The following PRTG variants were observed in gnomAD, a reference collection of about 807,000 sequenced individuals.
The protein encoded by PRTG is protogenin, also known as immunoglobulin superfamily, DCC subclass, member 5.
PRTG carries 67 observed loss-of-function variants against 122.5 expected under a neutral mutation model. That is an observed-to-expected ratio of 0.55 (90% CI 0.45 to 0.67). The LOEUF (loss-of-function observed/expected upper bound fraction) is 0.67, where lower values mean the gene tolerates loss of function less well. PRTG is among the 30% of genes least tolerant of loss of function. The pLI is 0.00. For missense variants in PRTG, 1,435 were observed against 1,415.4 expected (o/e 1.01, Z -0.22); for synonymous variants, 554 against 501.1 (o/e 1.11, Z -1.41).
intron 2 of PRTG, among the ~76,000 whole-genome samples, chr15:55,709,914 T>C (rs894333705): frequency 3.9e-5 from 6 of 152,180 alleles, no homozygotes; most frequent in African/African-American, 9.6e-5. Context: ...TATGTTCTCA[T>C]TGTGGTGATG....
intron 2 of PRTG, among the ~76,000 whole-genome samples, chr15:55,719,140 T>C (rs988075509): frequency 1.7e-4 from 26 of 152,196 alleles, no homozygotes; most frequent in Admixed American, 1.2e-3. Flanking sequence ...ATTATTAAAA[T>C]TGAATAACTG....
intron 6 of PRTG, 38 bp downstream of exon 6, chr15:55,680,016 T>G: frequency 6.4e-7 from 1 of 1,566,316 alleles, no homozygotes; most frequent in South Asian, 1.1e-5. Flanking sequence ...AATGTTAAAA[T>G]GTAAGATTCC....
chr15:55,694,369 C>T (rs1035270866), intron 2 of PRTG, among the ~76,000 whole-genome samples: 1 of 152,120 alleles, frequency 6.6e-6, no homozygotes, highest in African/African-American at 2.4e-5. Context: ...AAATCCCTTA[C>T]TTTTAATTTT....
rs1443996075 is a variant in PRTG, at chr15:55,612,259, T to C, written c.*7753A>G. 1 of 152,046 alleles carries C rather than the reference T, an allele frequency of 6.6e-6. No homozygotes were observed. The highest frequency in any genetic ancestry group is 1.5e-5 in the Non-Finnish European group (1 of 67,940). The allele number at this position is 152,046 out of a possible 1,614,324, so 9.4% of individuals were successfully genotyped here. A position where few individuals can be genotyped will look rare whatever the true frequency, so the allele number is the denominator to read the frequency against. On this transcript the variant is annotated 3_prime_UTR_variant, in exon 20 of 20. Coordinates refer to ENST00000389286, the MANE Select transcript of PRTG (RefSeq NM_173814.6). ...GAAACAGAATATTTCAAGGTCAAGA[T>C]TTGTAATATTTTTGTTTTTAAAGAC...
chr15:55,639,576 G>A, intron 13 of PRTG, 66 bp downstream of exon 13: 3 of 1,410,462 alleles, frequency 2.1e-6, no homozygotes, highest in Non-Finnish European at 3.0e-6. Flanking sequence ...ATGGTAAGAG[G>A]TAGAAGTTGG....
chr15:55,707,009 T>C (rs1376581145), intron 2 of PRTG, among the ~76,000 whole-genome samples: 1 of 152,204 alleles, frequency 6.6e-6, no homozygotes, highest in South Asian at 2.1e-4. Flanking sequence ...CCCAGGTGAC[T>C]TGCATGGACT....
intron 11 of PRTG, among the ~76,000 whole-genome samples, chr15:55,657,888 T>A (rs970530184): frequency 2.6e-5 from 4 of 152,200 alleles, no homozygotes; most frequent in Non-Finnish European, 5.9e-5. Context: ...ATGAAACATT[T>A]ATAAAATTCA....
chr15:55,637,599 C>T (rs887401440), intron 14 of PRTG, among the ~76,000 whole-genome samples: 3 of 152,052 alleles, frequency 2.0e-5, no homozygotes, highest in African/African-American at 4.8e-5. Context: ...GTTCCTGAAA[C>T]GTTTTGCTAA....
At chr15:55,633,281 C>A (rs1241814264) in intron 15 of PRTG, among the ~76,000 whole-genome samples, 1 of 152,046 alleles carries the variant, frequency 6.6e-6, no homozygotes, top group African/African-American at 2.4e-5. Context: ...ACGATCTCGG[C>A]TCACTGCAAC....
In PRTG at chr15:55,641,147, C is replaced by G; in HGVS notation, c.2103G>C (p.Gln701His). Residue 701 changes from glutamine (Q) to histidine (H), a missense_variant, in exon 12 of 20, where the codon CAG (glutamine) becomes CAC (histidine). By Grantham distance (24) the Gln-to-His change is conservative. Transcript: ENST00000389286. ...CTGGAGTGCTGACAGTCTGATCTGCCTGATAGCCATCGTCTATGTTGTTGT... is the reference window on the plus strand; with the variant it reads ...CTGGAGTGCTGACAGTCTGATCTGCGTGATAGCCATCGTCTATGTTGTTGT... ...LAYNNIDDGY[Q>H]ADQTVSTPGC... 1.2e-6 allele frequency: 2 copies of G among 1,614,006 alleles called. No individual in the cohort carries two copies. Among genetic ancestry groups the G allele is most frequent in the Non-Finnish European group, 1.7e-6 (2 of 1,179,928 alleles).
chr15:55,659,174 C>T (rs2059396051), intron 11 of PRTG, among the ~76,000 whole-genome samples: 1 of 152,140 alleles, frequency 6.6e-6, no homozygotes, highest in African/African-American at 2.4e-5. Context: ...GATTTCAAGT[C>T]TTTCAAGCTT....
chr15:55,628,001 A>G (rs1233209762), intron 16 of PRTG, among the ~76,000 whole-genome samples: 4 of 152,144 alleles, frequency 2.6e-5, no homozygotes, highest in Non-Finnish European at 4.4e-5. Flanking sequence ...TGAGAAGCCA[A>G]TATGAGCCTT....
At chr15:55,678,909 A>G (rs1331824941) in intron 7 of PRTG, among the ~76,000 whole-genome samples, 1 of 152,236 alleles carries the variant, frequency 6.6e-6, no homozygotes, top group African/African-American at 2.4e-5. Context: ...AGAAATTATT[A>G]GAGAATTATT....
At chr15:55,700,838 G>A (rs2059659559) in intron 2 of PRTG, among the ~76,000 whole-genome samples, 1 of 151,970 alleles carries the variant, frequency 6.6e-6, no homozygotes, top group South Asian at 2.1e-4. Flanking sequence ...TGAAAGAACA[G>A]ACTCTCCCAC....
rs2059262264 is a variant in PRTG, at chr15:55,637,204, C to G, written c.2589G>C (p.Trp863Cys). The G allele has an allele frequency of 6.2e-7, 1 of 1,609,326 alleles. No homozygotes were observed. Among genetic ancestry groups the G allele is most frequent in the Admixed American group, 1.7e-5 (1 of 59,088 alleles). Residue 863 changes from tryptophan (W) to cysteine (C), a missense_variant, in exon 15 of 20, where the codon TGG becomes TGC. By Grantham distance (215) the Trp-to-Cys change is radical (BLOSUM62 -2). Transcript: ENST00000389286. Reference protein sequence around the residue: ...YTILYASRKAWIAGEWQVLHR... With the variant: ...YTILYASRKACIAGEWQVLHR... ...GTAAGACCTGCCACTCTCCTGCAAT[C>G]CAGGCCTTCCTAGATGCATATAAGA...
chr15:55,638,802 A>G lies in PRTG; in HGVS notation c.2325-126T>C, dbSNP rs980138519. ...CATTACCTCCTTATTTTATATGAAA[A>G]AATGTTTAGACTAAAGAACAATTTA... is the stretch of plus-strand genomic sequence containing the variant. On this transcript the variant is annotated intron_variant, in intron 13 of 19. Transcript: ENST00000389286. 12 of 774,682 alleles carry G rather than the reference A, an allele frequency of 1.5e-5. No individual in the cohort carries two copies. In the African/African-American group the frequency reaches 2.2e-4, roughly 14 times the overall value. The allele number at this position is 774,682 out of a possible 1,614,324, so 48.0% of individuals were successfully genotyped here.
intron 7 of PRTG, among the ~76,000 whole-genome samples, chr15:55,678,437 G>C (rs2059517209): frequency 6.6e-6 from 1 of 152,152 alleles, no homozygotes; most frequent in Non-Finnish European, 1.5e-5. Context: ...GTAGAGACAA[G>C]GTCTCACTGT....
chr15:55,621,450 G>A (rs1345060464), intron 18 of PRTG, among the ~76,000 whole-genome samples: 1 of 152,010 alleles, frequency 6.6e-6, no homozygotes, highest in East Asian at 1.9e-4. Context: ...GAGGTCAGGA[G>A]ATCTAGACCA....
chr15:55,738,740 A>G (rs1595689343), intron 2 of PRTG: 1 of 215,396 alleles, frequency 4.6e-6, no homozygotes, highest in East Asian at 9.7e-5. Context: ...GAAGGCATGC[A>G]GGCAGGCAGA....
Sources: gnomAD v4.1 joint callset for allele counts (sites outside exome capture counted in the v4.1 genomes callset) on GRCh38, gnomAD v4.1.1 for gene constraint, MANE v1.5 for transcripts, NCBI Gene and HGNC (gene_info 2026-07-23, HGNC 2026-07-21) for gene names.